ODAM: variants seen among roughly 807,000 people sequenced by gnomAD.
ODAM encodes odontogenic, ameloblast associated.
In ODAM, 55 loss-of-function variants were observed where a neutral mutation model predicts 48.5. The observed-to-expected ratio is 1.13, with a 90% confidence interval of 0.91 to 1.42. The LOEUF is 1.42. Among genes scored for constraint, ODAM ranks in the 40% most tolerant of loss-of-function variants. The pLI, the probability that ODAM is intolerant of heterozygous loss-of-function variation, is 0.00. For synonymous variants in ODAM, 127 were observed against 107.8 expected (o/e 1.18, Z -1.10); for missense variants, 353 against 323.6 (o/e 1.09, Z -0.70).
Position 70,201,347 on chromosome 4 carries a change from C to T in ODAM, c.529-107C>T, listed in dbSNP as rs1179993029. On this transcript the variant is annotated intron_variant, in intron 7 of 11. Transcript: ENST00000683306. ...CTGGAACATATAAACTTTAAAAATG[C>T]TTTTAACTTATATAAAAAGATATAT... is the stretch of plus-strand genomic sequence containing the variant. 15 of 573,528 alleles carry T rather than the reference C, an allele frequency of 2.6e-5. 1 individual carries two copies. The East Asian group carries it at 3.2e-4, about 12-fold the overall frequency. 35.5% of individuals were successfully genotyped at this position (573,528 alleles called of 1,614,324 possible).
At position 70,202,786 on chromosome 4, in the gene ODAM, A is replaced by T; in HGVS notation, c.679A>T (p.Lys227Ter). 1 of 1,611,308 alleles carries T rather than the reference A, an allele frequency of 6.2e-7. No individual in the cohort carries two copies. The highest frequency in any genetic ancestry group is 8.5e-7 in the Non-Finnish European group (1 of 1,178,516). Reference protein sequence around the residue: ...STGEEIPYLQKEAINFRHDSA... With the variant: ...STGEEIPYLQ ...AGGAGAAGAGATACCATATTTACAA[A>T]AAGAAGCGATCAACTTTAGACATGA... The change falls in exon 10 of 12, where the codon AAA becomes TAA. Residue 227 changes from lysine to a stop codon, truncating the protein, a stop_gained. Coordinates refer to ENST00000683306, the MANE Select transcript of ODAM (RefSeq NM_017855.4). LOFTEE classifies it high-confidence loss of function.
intron 4 of ODAM, 185 bp from the exon 5 acceptor site, chr4:70,197,739 G>T: frequency 1.6e-6 from 1 of 606,602 alleles, no homozygotes; most frequent in Non-Finnish European, 2.9e-6. Context: ...ATGGCCATCG[G>T]GAATTTAGCA....
At position 70,197,307 on chromosome 4, in the gene ODAM, C is replaced by T; in HGVS notation, c.127C>T (p.Pro43Ser). 4 of 1,442,790 alleles carry T rather than the reference C, an allele frequency of 2.8e-6. No homozygotes were observed. The highest frequency in any genetic ancestry group is 1.7e-5 in the Admixed American group (1 of 59,136). 89.4% of individuals were successfully genotyped at this position (1,442,790 alleles called of 1,614,324 possible). ...TAATCTTAATAATGGTCAACTTTTG[C>T]CACTACAACTTCAGGTACCTCCATT... is the stretch of plus-strand genomic sequence containing the variant. ...LLNLNNGQLL[P>S]LQLQGPLNSW... Residue 43 changes from proline to serine, a missense_variant, in exon 4 of 12, where the codon CCA (proline) becomes TCA (serine). Pro to Ser is a moderately conservative substitution (Grantham distance 74, BLOSUM62 -1). Coordinates refer to ENST00000683306, the MANE Select transcript of ODAM (RefSeq NM_017855.4).
chr4:70,202,184 G>A (rs1229636728), intron 8 of ODAM, 74 bp from the exon 9 acceptor site: 2 of 1,010,528 alleles, frequency 2.0e-6, no homozygotes, highest in African/African-American at 3.2e-5. Flanking sequence ...TACTACTCTG[G>A]TACTCTGGGT....
intron 6 of ODAM, 129 bp from the exon 7 acceptor site, chr4:70,200,368 C>A: frequency 1.8e-6 from 1 of 556,826 alleles, no homozygotes; most frequent in Non-Finnish European, 3.2e-6. Flanking sequence ...CATCTATTTG[C>A]TTTGTATTTA....
chr4:70,201,381 GTAATCA>G (rs1729489171), intron 7 of ODAM, 67 bp from the exon 8 acceptor site: 1 of 695,850 alleles, frequency 1.4e-6, no homozygotes, highest in Non-Finnish European at 2.5e-6. Context: ...ATAAGTTTAA[GTAATCA>G]TTTACTGCAA....
At chr4:70,203,570 G>T (rs918948427) in intron 11 of ODAM, among the ~76,000 whole-genome samples, 1 of 151,658 alleles carries the variant, frequency 6.6e-6, no homozygotes, top group African/African-American at 2.4e-5. Context: ...CAATATATCT[G>T]TATTAGTTTG....
intron 3 of ODAM, among the ~76,000 whole-genome samples, chr4:70,197,042 G>A (rs184431039): frequency 8.2e-4 from 125 of 152,150 alleles, no homozygotes; most frequent in Admixed American, 1.2e-3. Context: ...ACTGGAATGT[G>A]CTAACGTTGT....
chr4:70,204,260 T>C lies in ODAM; in HGVS notation c.*115T>C, dbSNP rs751123918. 1.6e-4 allele frequency: 24 copies of C among 152,024 alleles called. No individual in the cohort carries two copies. The highest frequency in any genetic ancestry group is 3.1e-4 in the Non-Finnish European group (21 of 67,972). The allele number at this position is 152,024 out of a possible 1,614,324, so 9.4% of individuals were successfully genotyped here. The stretch of plus-strand genomic sequence containing the variant: ...TATCAGTTCTTTGGAATACATGAAA[T>C]ATCTTGACTCTTCTCCTAAATTTGT... On this transcript the variant is annotated 3_prime_UTR_variant, in exon 12 of 12. Transcript: ENST00000683306.
chr4:70,198,243 G>A (rs1399882810), intron 5 of ODAM, 86 bp downstream of exon 5: 1 of 1,136,342 alleles, frequency 8.8e-7, no homozygotes, highest in Non-Finnish European at 1.3e-6. Flanking sequence ...TTTGAAATAG[G>A]CAGGGGTTTT....
chr4:70,203,443 A>C (rs1365520201), intron 11 of ODAM, among the ~76,000 whole-genome samples: 1 of 151,926 alleles, frequency 6.6e-6, no homozygotes, highest in Non-Finnish European at 1.5e-5. Flanking sequence ...ATACTCTCTG[A>C]AAACACAAAT....
chr4:70,200,073 C>T, intron 6 of ODAM: 1 of 434,220 alleles, frequency 2.3e-6, no homozygotes, highest in South Asian at 1.7e-5. Flanking sequence ...AAAGGCAATA[C>T]ATTCATAGCA....
chr4:70,201,818 C>T (rs1729499836), intron 8 of ODAM, among the ~76,000 whole-genome samples: 2 of 151,886 alleles, frequency 1.3e-5, no homozygotes, highest in East Asian at 3.9e-4. Context: ...ATTTTAAAAG[C>T]TCATTTCTCT....
Position 70,196,617 on chromosome 4 carries a change from T to C in ODAM, c.51+23T>C, listed in dbSNP as rs200439171. Reference sequence around the variant, plus strand: ...CCAGTAAGTGATTTTATGGCACTACTAGTCCCACTGTGTTAAACCTTCAAC... The same window carrying C: ...CCAGTAAGTGATTTTATGGCACTACCAGTCCCACTGTGTTAAACCTTCAAC... On this transcript the variant is annotated intron_variant, in intron 2 of 11. Coordinates refer to ENST00000683306, the MANE Select transcript of ODAM (RefSeq NM_017855.4). 8.5e-5 allele frequency: 136 copies of C among 1,591,850 alleles called. No homozygotes were observed. In the African/African-American group the frequency reaches 1.6e-3, roughly 19 times the overall value.
In ODAM at chr4:70,197,966, C is replaced by T; in HGVS notation, c.184C>T (p.Gln62Ter). 2.5e-6 allele frequency: 4 copies of T among 1,613,220 alleles called. No homozygotes were observed. The highest frequency in any genetic ancestry group is 2.2e-5 in the East Asian group (1 of 44,818). Residue 62 changes from glutamine (Q) to a stop codon, truncating the protein, a stop_gained, in exon 5 of 12, where the codon CAA (glutamine) becomes TAA (stop). Transcript: ENST00000683306. LOFTEE classifies it high-confidence loss of function. The part of the protein sequence containing the change: ...SWIPPFSGIL[Q>*]QQQQAQIPGL... ...GATTCCACCTTTCTCTGGAATTTTA[C>T]AACAGCAGCAGCAGGCTCAAATTCC... is the stretch of plus-strand genomic sequence containing the variant.
intron 5 of ODAM, 44 bp from the exon 6 acceptor site, chr4:70,198,535 A>G (rs1386446374): frequency 4.8e-6 from 7 of 1,453,066 alleles, no homozygotes; most frequent in Non-Finnish European, 6.6e-6. Context: ...TTTTTAAATA[A>G]CAAAGTCAAG....
At chr4:70,202,713 G>T (rs772061891) in intron 9 of ODAM, 43 bp from the exon 10 acceptor site, 12 of 1,539,108 alleles carry the variant, frequency 7.8e-6, no homozygotes, top group Non-Finnish European at 1.1e-5. Context: ...TGGCCTTCTT[G>T]TTGAACTTAC....
intron 6 of ODAM, among the ~76,000 whole-genome samples, chr4:70,199,763 A>G (rs1729456455): frequency 6.6e-6 from 1 of 152,010 alleles, no homozygotes; most frequent in Non-Finnish European, 1.5e-5. Context: ...CACAAAATAT[A>G]ATCCTCCTGA....
chr4:70,198,773 A>T (rs895947197), intron 6 of ODAM, 147 bp downstream of exon 6: 31 of 717,504 alleles, frequency 4.3e-5, no homozygotes, highest in Non-Finnish European at 6.9e-5. Context: ...CTGGGCTAGT[A>T]TCAGTTTGTT....
Sources: gnomAD v4.1 joint callset for allele counts (sites outside exome capture counted in the v4.1 genomes callset) on GRCh38, gnomAD v4.1.1 for gene constraint, MANE v1.5 for transcripts, NCBI Gene and HGNC (gene_info 2026-07-23, HGNC 2026-07-21) for gene names.